The following MFNG variants were observed in gnomAD, a reference collection of about 807,000 sequenced individuals.
MFNG encodes the protein MFNG O-fucosylpeptide 3-beta-N-acetylglucosaminyltransferase.
Under a neutral mutation model 34.2 loss-of-function variants are expected in MFNG, and 24 were observed. That is an observed-to-expected ratio of 0.70 (90% CI 0.51 to 0.99). MFNG has a LOEUF of 0.99. Among genes scored for constraint, MFNG ranks in the 50% least tolerant of loss-of-function variants. The probability of loss-of-function intolerance (pLI) is 0.00; values close to 1 mark genes in which losing one functional copy is unlikely to be tolerated. For synonymous variants in MFNG, 158 were observed against 179.2 expected (o/e 0.88, Z 0.94); for missense variants, 383 against 424.0 (o/e 0.90, Z 0.85).
intron 7 of MFNG, among the ~76,000 whole-genome samples, chr22:37,471,553 G>A (rs530592833): frequency 1.4e-3 from 207 of 152,180 alleles, no homozygotes; most frequent in African/African-American, 4.5e-3. Flanking sequence ...TAGCTGGGCC[G>A]GGGGCAGCGG....
chr22:37,472,620 G>T, intron 6 of MFNG, 92 bp from the exon 7 acceptor site: 3 of 1,265,216 alleles, frequency 2.4e-6, no homozygotes, highest in Non-Finnish European at 3.3e-6. Context: ...GGGGTTTTAA[G>T]CTGCAGGGAA....
At chr22:37,472,316 C>T (rs1921844628) in intron 7 of MFNG, 127 bp downstream of exon 7, 10 of 677,266 alleles carry the variant, frequency 1.5e-5, no homozygotes, top group Non-Finnish European at 2.0e-5. Context: ...CCACTCCCTC[C>T]ACTCCTAGCT....
At chr22:37,474,435 AGGAG>A (rs948633305) in intron 6 of MFNG, 73 bp downstream of exon 6, 2 of 1,533,008 alleles carry the variant, frequency 1.3e-6, no homozygotes, top group South Asian at 2.4e-5. Context: ...TTCAAACGCC[AGGAG>A]GGAGGGTTGG....
chr22:37,486,224 A>G lies in MFNG; in HGVS notation c.-47T>C. On this transcript the variant is annotated 5_prime_UTR_variant, in exon 1 of 8. Coordinates refer to ENST00000356998, the MANE Select transcript of MFNG (RefSeq NM_002405.4). ...ACAGCTCAGCCCCCAAATCCCAACC[A>G]GACAGGGAGGGGAAGCTGGTCAGGC... 6.8e-7 allele frequency: 1 copy of G among 1,472,898 alleles called. No individual in the cohort carries two copies. The highest frequency in any genetic ancestry group is 1.8e-4 in the Middle Eastern group (1 of 5,488). The allele number at this position is 1,472,898 out of a possible 1,614,324, so 91.2% of individuals were successfully genotyped here.
At chr22:37,480,078 C>A (rs1328097221) in intron 3 of MFNG, 119 bp downstream of exon 3, 8 of 734,852 alleles carry the variant, frequency 1.1e-5, no homozygotes, top group Non-Finnish European at 1.8e-5. Flanking sequence ...CTGGACTTCC[C>A]AGCCATCTGC....
intron 7 of MFNG, among the ~76,000 whole-genome samples, chr22:37,470,306 G>C (rs1921750682): frequency 6.6e-6 from 1 of 152,200 alleles, no homozygotes; most frequent in East Asian, 1.9e-4. Flanking sequence ...CGTCCCCTAA[G>C]AGACAAATCA....
intron 4 of MFNG, 30 bp from the exon 5 acceptor site, chr22:37,477,011 T>C: frequency 6.2e-7 from 1 of 1,600,130 alleles, no homozygotes; most frequent in South Asian, 1.1e-5. Context: ...AGGGGCAGAG[T>C]GAGCCTGGTG....
At chr22:37,484,113 C>A (rs888930197) in intron 1 of MFNG, 1 of 152,212 alleles carries the variant, frequency 6.6e-6, no homozygotes, top group African/African-American at 2.4e-5. Context: ...ACCTCTCCCC[C>A]CAACAAGGGG....
intron 7 of MFNG, 71 bp downstream of exon 7, chr22:37,472,372 G>C (rs1215468142): frequency 8.4e-7 from 1 of 1,183,584 alleles, no homozygotes; most frequent in Non-Finnish European, 1.2e-6. Flanking sequence ...CTCCCTCCCA[G>C]CTCCCCCATG....
At chr22:37,472,640 G>A (rs942412065) in intron 6 of MFNG, 112 bp from the exon 7 acceptor site, 3 of 1,073,354 alleles carry the variant, frequency 2.8e-6, no homozygotes, top group Non-Finnish European at 4.0e-6. Context: ...AAGCTGCCCG[G>A]GAACCTGAAA....
chr22:37,469,725 T>C lies in MFNG; in HGVS notation c.*238A>G. 1.6e-6 allele frequency: 1 copy of C among 644,310 alleles called. No homozygotes were observed. Among genetic ancestry groups the C allele is most frequent in the Admixed American group, 2.2e-5 (1 of 46,100 alleles). The allele number at this position is 644,310 out of a possible 1,614,324, so 39.9% of individuals were successfully genotyped here. On this transcript the variant is annotated 3_prime_UTR_variant, in exon 8 of 8. Transcript: ENST00000356998. ...CAGCCTCCTGAGGGAGTCTAGCCCCTGGAGCCTCTCTGGCCACCACCTGGT... is the reference window on the plus strand; with the variant it reads ...CAGCCTCCTGAGGGAGTCTAGCCCCCGGAGCCTCTCTGGCCACCACCTGGT...
In MFNG at chr22:37,470,002, A is replaced by G. The variant is rs776935699; in HGVS notation, c.927T>C (p.Tyr309=). The G allele has an allele frequency of 1.1e-5, 18 of 1,609,482 alleles. No homozygotes were observed. The highest frequency in any genetic ancestry group is 1.4e-5 in the Non-Finnish European group (17 of 1,177,718). Residue 309 remains tyrosine (Y), a synonymous_variant, in exon 8 of 8, where the codon TAT becomes TAC. Coordinates refer to ENST00000356998, the MANE Select transcript of MFNG (RefSeq NM_002405.4). ...SRFRSLHCLL[Y]PDTPWCPQLG... ...GCTGGGGACACCAGGGTGTATCTGG[A>G]TAGAGCAGACAATGGAGGGAGCGAA...
At chr22:37,477,269 T>C (rs1922085243) in intron 4 of MFNG, among the ~76,000 whole-genome samples, 1 of 152,014 alleles carries the variant, frequency 6.6e-6, no homozygotes. Flanking sequence ...CCAGCCACCA[T>C]GCCCCTTTCC....
chr22:37,484,648 G>A (rs565373444), intron 1 of MFNG: 1 of 152,414 alleles, frequency 6.6e-6, no homozygotes, highest in African/African-American at 2.4e-5. Context: ...GGCCACGTGA[G>A]GCCACGCTCC....
chr22:37,481,026 G>A (rs1223728426), intron 1 of MFNG: 2 of 503,256 alleles, frequency 4.0e-6, no homozygotes, highest in Admixed American at 3.5e-5. Context: ...AGCACCACAG[G>A]GACCCAACCA....
At chr22:37,480,397 G>A (rs1922240423) in intron 2 of MFNG, 98 bp from the exon 3 acceptor site, 2 of 954,518 alleles carry the variant, frequency 2.1e-6, no homozygotes, top group East Asian at 2.6e-5. Context: ...AGGGAGTCTG[G>A]AGCAGCCCAC....
At position 37,480,720 on chromosome 22, in the gene MFNG, C is replaced by T. The variant is rs1342904269; in HGVS notation, c.304+1G>A. On this transcript the variant is annotated splice_donor_variant, in intron 2 of 7. Transcript: ENST00000356998. LOFTEE classifies it high-confidence loss of function. ...ACCACACCCAGGCCGGGCAGAGTTA[C>T]CCAGTCTCTCCTGGAGGCCTTTGTC... 1 of 1,613,474 alleles carries T rather than the reference C, an allele frequency of 6.2e-7. No homozygotes were observed. Among genetic ancestry groups the T allele is most frequent in the Non-Finnish European group, 8.5e-7 (1 of 1,179,680 alleles).
intron 7 of MFNG, among the ~76,000 whole-genome samples, chr22:37,470,647 C>T (rs558649818): frequency 1.9e-4 from 29 of 152,330 alleles, no homozygotes; most frequent in South Asian, 1.2e-3. Context: ...ACTTGTTCAA[C>T]GCAGCCTTGG....
chr22:37,477,357 G>C (rs1438055637), intron 4 of MFNG, among the ~76,000 whole-genome samples: 2 of 152,232 alleles, frequency 1.3e-5, no homozygotes, highest in Non-Finnish European at 2.9e-5. Context: ...CTGGGCCACA[G>C]AGGTGGGCCT....
Sources: gnomAD v4.1 joint callset for allele counts (sites outside exome capture counted in the v4.1 genomes callset) on GRCh38, gnomAD v4.1.1 for gene constraint, MANE v1.5 for transcripts, NCBI Gene and HGNC (gene_info 2026-07-23, HGNC 2026-07-21) for gene names.